Variants in MINK1 observed in about 807,000 individuals in gnomAD.
MINK1 encodes the protein misshapen like kinase 1.
Under a neutral mutation model 178.4 loss-of-function variants are expected in MINK1, and 46 were observed. That is an observed-to-expected ratio of 0.26 (90% CI 0.20 to 0.33). The LOEUF (loss-of-function observed/expected upper bound fraction) is 0.33, where lower values mean the gene tolerates loss of function less well. Among genes scored for constraint, MINK1 ranks in the 10% least tolerant of loss-of-function variants. The pLI, the probability that MINK1 is intolerant of heterozygous loss-of-function variation, is 1.00. For synonymous variants in MINK1, 797 were observed against 709.7 expected (o/e 1.12, Z -1.96); for missense variants, 1,366 against 1,814.9 (o/e 0.75, Z 4.49).
rs1968333956 is a variant in MINK1 at position 4,887,573 on chromosome 17, T to G, written c.1020-7T>G. On this transcript the variant is annotated splice_polypyrimidine_tract_variant and splice_region_variant and intron_variant, in intron 11 of 31. Coordinates refer to ENST00000355280, the MANE Select transcript of MINK1 (RefSeq NM_153827.5). This position sits in a 1 kb window ranked among gnomAD's most constrained non-coding sequence, Gnocchi z 7.6. ...CCCCAGTGCTTCTTTGTGCCACCCCTGCCCAGCTCCATCATGAACGTGCCT... is the reference window on the plus strand; with the variant it reads ...CCCCAGTGCTTCTTTGTGCCACCCCGGCCCAGCTCCATCATGAACGTGCCT... The G allele has an allele frequency of 6.6e-7, 1 of 1,507,720 alleles. No individual in the cohort carries two copies. Among genetic ancestry groups the G allele is most frequent in the African/African-American group, 1.4e-5 (1 of 71,274 alleles). 93.4% of individuals were successfully genotyped at this position (1,507,720 alleles called of 1,614,324 possible).
chr17:4,875,087 C>T, intron 1 of MINK1: 1 of 520,128 alleles, frequency 1.9e-6, no homozygotes, highest in East Asian at 5.4e-5. Flanking sequence ...CAAGAAAGGA[C>T]TTCGCAGCAG....
rs932756482 is a variant in MINK1, at chr17:4,894,321, C to T, written c.2808+10C>T. ...GGATGGGAGTGGTGACGTAAGTGGG[C>T]CGGAGGCAGGTCCGCCGGGAGAGAA... On this transcript the variant is annotated intron_variant, in intron 23 of 31. Transcript: ENST00000355280. This position sits in a 1 kb window ranked among gnomAD's most constrained non-coding sequence, Gnocchi z 4.1. 14 of 1,609,658 alleles carry T rather than the reference C, an allele frequency of 8.7e-6. No homozygotes were observed. The African/African-American group carries it at 1.3e-4, about 15-fold the overall frequency.
In MINK1 at chr17:4,895,750, T is replaced by C. The variant is rs1485230126; in HGVS notation, c.3282T>C (p.Ile1094=). ...ACCTGTCCTGGCTCCGGAACAAGATTCTGCACAATGACCCAGAAGTGGAGA... is the reference window on the plus strand; with the variant it reads ...ACCTGTCCTGGCTCCGGAACAAGATCCTGCACAATGACCCAGAAGTGGAGA... ...VYYLSWLRNK[I]LHNDPEVEKK... is the part of the protein sequence containing the mutation. Residue 1094 remains isoleucine (I), a synonymous_variant, in exon 27 of 32, where the codon ATT becomes ATC. Coordinates refer to ENST00000355280, the MANE Select transcript of MINK1 (RefSeq NM_153827.5). The surrounding 1 kb of genome is among the most constrained non-coding windows in gnomAD (Gnocchi z 4.3). 1 of 1,613,648 alleles carries C rather than the reference T, an allele frequency of 6.2e-7. No individual in the cohort carries two copies. Among genetic ancestry groups the C allele is most frequent in the Non-Finnish European group, 8.5e-7 (1 of 1,179,792 alleles).
intron 1 of MINK1, among the ~76,000 whole-genome samples, chr17:4,841,529 C>G (rs1449190603): frequency 2.0e-5 from 3 of 149,498 alleles, no homozygotes; most frequent in Non-Finnish European, 4.5e-5. Flanking sequence ...AGCCCCCCCT[C>G]CGATTTTGCC....
At chr17:4,893,832 A>G in intron 21 of MINK1, 156 bp from the exon 22 acceptor site, 1 of 853,094 alleles carries the variant, frequency 1.2e-6, no homozygotes, top group Non-Finnish European at 1.8e-6. Context: ...CATGCAGGGA[A>G]GCACCTCACG....
chr17:4,875,575 C>A (rs1169466789), intron 1 of MINK1: 2 of 430,850 alleles, frequency 4.6e-6, no homozygotes, highest in Admixed American at 2.6e-5. Flanking sequence ...GAGTTTGAGA[C>A]CAGTCTGACC....
chr17:4,861,550 G>GATT (rs1417280325), intron 1 of MINK1: 15 of 169,214 alleles, frequency 8.9e-5, no homozygotes, highest in African/African-American at 3.6e-4. Flanking sequence ...GCCCAAGGTG[G>GATT]ATTGCAGTGG....
rs200765876 is a variant in MINK1, at chr17:4,896,479, C to G, written c.3666C>G (p.Asp1222Glu). The G allele has an allele frequency of 6.2e-7, 1 of 1,613,932 alleles. No homozygotes were observed. The highest frequency in any genetic ancestry group is 8.5e-7 in the Non-Finnish European group (1 of 1,179,858). Residue 1222 changes from aspartate (D) to glutamate (E), a missense_variant, in exon 30 of 32, where the codon GAC becomes GAG. Transcript: ENST00000355280. This position sits in a 1 kb window ranked among gnomAD's most constrained non-coding sequence, Gnocchi z 4.6. Reference sequence around the variant, plus strand: ...CCATCATCTTCCTCCCCAACACCGACGGCATGGAGATGCTGCTGTGCTACG... The same window carrying G: ...CCATCATCTTCCTCCCCAACACCGAGGGCATGGAGATGCTGCTGTGCTACG... ...PHAIIFLPNTDGMEMLLCYED... is the reference protein window; with the variant it reads ...PHAIIFLPNTEGMEMLLCYED...
intron 1 of MINK1, chr17:4,844,587 C>T: frequency 2.0e-6 from 1 of 512,196 alleles, no homozygotes; most frequent in South Asian, 1.4e-5. Context: ...CTGAGCTGAA[C>T]AGGTGGTGGG....
rs1969659549 is a variant in MINK1, at chr17:4,897,374, T to G, written c.*87T>G. Reference sequence around the variant, plus strand: ...CCGGGCCGCCCCTCTTTCCCCTCCCTGGGCTTTTGCTTTTACTGGTTTGAT... The same window carrying G: ...CCGGGCCGCCCCTCTTTCCCCTCCCGGGGCTTTTGCTTTTACTGGTTTGAT... On this transcript the variant is annotated 3_prime_UTR_variant, in exon 32 of 32. Transcript: ENST00000355280. The G allele has an allele frequency of 1.6e-6, 2 of 1,271,776 alleles. No homozygotes were observed. Among genetic ancestry groups the G allele is most frequent in the African/African-American group, 1.5e-5 (1 of 67,520 alleles). 78.8% of individuals were successfully genotyped at this position (1,271,776 alleles called of 1,614,324 possible).
chr17:4,883,569 T>A (rs1381366605), intron 4 of MINK1, among the ~76,000 whole-genome samples: 1 of 151,802 alleles, frequency 6.6e-6, no homozygotes, highest in Admixed American at 6.6e-5. Flanking sequence ...TCTCACTCTG[T>A]CACCCAGGCT....
chr17:4,859,175 T>C (rs1215943734), intron 1 of MINK1: 3 of 985,344 alleles, frequency 3.0e-6, no homozygotes, highest in African/African-American at 1.7e-5. Flanking sequence ...CTGGGCTGTT[T>C]AGTGCTTCTT....
At chr17:4,852,565 C>CACTA in intron 1 of MINK1, among the ~76,000 whole-genome samples, 1 of 150,820 alleles carries the variant, frequency 6.6e-6, no homozygotes, top group African/African-American at 2.4e-5. Flanking sequence ...GAGAGAAAGC[C>CACTA]ACTAGTTAGT....
At chr17:4,859,788 CAAAAAAAAAAAA>C (rs397857604) in intron 1 of MINK1, among the ~76,000 whole-genome samples, 30 of 51,890 alleles carry the variant, frequency 5.8e-4, no homozygotes, top group Admixed American at 1.4e-3. Flanking sequence ...AACTCCATCT[CAAAAAAAAAAAA>C]AAAAAAAAAA....
intron 1 of MINK1, among the ~76,000 whole-genome samples, chr17:4,875,802 T>A (rs536447697): frequency 6.6e-6 from 1 of 151,728 alleles, no homozygotes; most frequent in Non-Finnish European, 1.5e-5. Context: ...TTAGGTTTTT[T>A]TTCCCCCCGC....
intron 1 of MINK1, chr17:4,850,995 C>T (rs1356033344): frequency 1.1e-5 from 5 of 458,648 alleles, no homozygotes; most frequent in African/African-American, 8.0e-5. Flanking sequence ...CTCCCTGCCC[C>T]TGTCAGCCTG....
chr17:4,844,563 T>C (rs765624763), intron 1 of MINK1: 15 of 510,660 alleles, frequency 2.9e-5, no homozygotes, highest in Middle Eastern at 3.2e-4. Context: ...GTGGGGAGAG[T>C]GAGTGACCTC....
rs186331410 is a variant in MINK1 at position 4,834,545 on chromosome 17, G to A, written c.57+905G>A. ...GGTTGAGAGGAAGCAAATGCTGCAG[G>A]AATTTCTTGGAAATACCCGTTCATT... On this transcript the variant is annotated intron_variant, in intron 1 of 31. Transcript: ENST00000355280. 2.1e-3 allele frequency among the ~76,000 whole-genome samples: 320 copies of A among 152,336 alleles called. 1 individual carries two copies. Among genetic ancestry groups the A allele is most frequent in the Non-Finnish European group, 3.8e-3 (261 of 68,026 alleles).
intron 1 of MINK1, among the ~76,000 whole-genome samples, chr17:4,867,704 G>A (rs1915252628): frequency 6.6e-6 from 1 of 151,444 alleles, no homozygotes; most frequent in Admixed American, 6.6e-5. Context: ...CACAGCTACT[G>A]GTGAGGCTGA....
Sources: allele counts gnomAD v4.1 joint callset (sites outside exome capture counted in the v4.1 genomes callset), GRCh38; gene constraint gnomAD v4.1.1; non-coding constraint Gnocchi (gnomAD v3.1); transcripts MANE v1.5; gene names NCBI Gene and HGNC (gene_info 2026-07-23, HGNC 2026-07-21).